CDKN2B-AS1: variants seen among roughly 807,000 people sequenced by gnomAD.
CDKN2B-AS1 encodes the protein CDKN2B antisense RNA 1 (non-protein coding).
intron 3 of CDKN2B-AS1, among the ~76,000 whole-genome samples, chr9:22,053,277 A>T (rs900798895): frequency 5.3e-5 from 8 of 152,190 alleles, no homozygotes; most frequent in Non-Finnish European, 1.2e-4. Flanking sequence ...GTCTAGAAAG[A>T]CCTGGGCTTT....
At chr9:22,010,796 C>A (rs918253535) in intron 1 of CDKN2B-AS1, among the ~76,000 whole-genome samples, 7 of 152,126 alleles carry the variant, frequency 4.6e-5, no homozygotes, top group African/African-American at 1.7e-4. Context: ...CTTGTTTTGA[C>A]CTTTGAGTTT....
chr9:22,000,906 A>T lies in CDKN2B-AS1; in HGVS notation n.29+5745A>T, dbSNP rs1820890878. Among the ~76,000 whole-genome samples the T allele has an allele frequency of 6.6e-6, 1 of 152,072 alleles. No individual in the cohort carries two copies. Among genetic ancestry groups the T allele is most frequent in the East Asian group, 1.9e-4 (1 of 5,202 alleles). On this transcript the variant is annotated intron_variant and non_coding_transcript_variant, in intron 1 of 4. Transcript: ENST00000650946. The surrounding 1 kb of genome is among the most constrained non-coding windows in gnomAD (Gnocchi z 4.1). ...ATTGAGAGCTACCTAAATACCAGAC[A>T]CTCATTCTTGGTCCTGACTCCTACT...
chr9:22,061,944 T>A (rs1823839832), intron 4 of CDKN2B-AS1: 1 of 152,224 alleles, frequency 6.6e-6, no homozygotes, highest in Non-Finnish European at 1.5e-5. Flanking sequence ...TTTATCCTCA[T>A]ATTATCAGAT....
chr9:22,108,940 CAA>C (rs1318268820), intron 4 of CDKN2B-AS1, among the ~76,000 whole-genome samples: 2 of 151,736 alleles, frequency 1.3e-5, no homozygotes, highest in African/African-American at 2.4e-5. Flanking sequence ...CAAAACAAAA[CAA>C]AATAAAAAAA....
intron 1 of CDKN2B-AS1, among the ~76,000 whole-genome samples, chr9:22,040,420 T>A (rs1352017542): frequency 2.0e-5 from 3 of 151,986 alleles, no homozygotes; most frequent in Non-Finnish European, 4.4e-5. Flanking sequence ...TCTACTCAAT[T>A]CTAGTTCAAT....
intron 3 of CDKN2B-AS1, among the ~76,000 whole-genome samples, chr9:22,050,571 C>T (rs752274244): frequency 4.6e-5 from 7 of 152,178 alleles, no homozygotes; most frequent in African/African-American, 1.2e-4. Context: ...CACTTTCAAA[C>T]GGTGGGGATG....
chr9:22,014,183 G>T (rs1294048590), intron 1 of CDKN2B-AS1, among the ~76,000 whole-genome samples: 1 of 151,906 alleles, frequency 6.6e-6, no homozygotes, highest in African/African-American at 2.4e-5. Flanking sequence ...TATTATTTGA[G>T]ACAGAGTCTT....
chr9:22,094,909 T>G (rs1203219229), intron 4 of CDKN2B-AS1, among the ~76,000 whole-genome samples: 1 of 144,334 alleles, frequency 6.9e-6, no homozygotes, highest in Non-Finnish European at 1.5e-5. Context: ...GAGTTTCCAG[T>G]TTTTCTGCTC....
intron 4 of CDKN2B-AS1, among the ~76,000 whole-genome samples, chr9:22,100,688 G>A (rs1825453229): frequency 6.6e-6 from 1 of 152,152 alleles, no homozygotes; most frequent in South Asian, 2.1e-4. Flanking sequence ...CTAGAAGTAG[G>A]ATGTTGTATG....
Position 22,029,315 on chromosome 9 carries a change from G to T in CDKN2B-AS1, n.30-17436G>T. Reference sequence around the variant, plus strand: ...CTATTACCGTCTTTATCAAATAGGAGAGCCTGATCATGTGTGGTCTGAAGT... The same window carrying T: ...CTATTACCGTCTTTATCAAATAGGATAGCCTGATCATGTGTGGTCTGAAGT... On this transcript the variant is annotated intron_variant and non_coding_transcript_variant, in intron 1 of 4. Transcript: ENST00000650946. 3 of 686,348 alleles carry T rather than the reference G, an allele frequency of 4.4e-6. No individual in the cohort carries two copies. The Admixed American group carries it at 6.1e-5, about 14-fold the overall frequency. 42.5% of individuals were successfully genotyped at this position (686,348 alleles called of 1,614,324 possible). A position where few individuals can be genotyped will look rare whatever the true frequency, so the allele number is the denominator to read the frequency against.
At chr9:22,004,165 C>T (rs1170149362) in intron 1 of CDKN2B-AS1, 1 of 232,252 alleles carries the variant, frequency 4.3e-6, no homozygotes, top group Non-Finnish European at 8.5e-6. Context: ...TAAACATATC[C>T]TTTCCCCAAT....
At chr9:22,011,498 A>C (rs1215558357) in intron 1 of CDKN2B-AS1, among the ~76,000 whole-genome samples, 5 of 152,208 alleles carry the variant, frequency 3.3e-5, no homozygotes, top group Admixed American at 6.5e-5. Context: ...TGACTTGTAT[A>C]CTAGCTAATC....
At chr9:22,074,504 A>AAT (rs1200521099) in intron 4 of CDKN2B-AS1, among the ~76,000 whole-genome samples, 2 of 152,120 alleles carry the variant, frequency 1.3e-5, no homozygotes, top group Admixed American at 1.3e-4. Flanking sequence ...CATTTACATA[A>AAT]ATATATATAT....
At chr9:22,021,400 A>C (rs537903356) in intron 1 of CDKN2B-AS1, among the ~76,000 whole-genome samples, 26 of 152,110 alleles carry the variant, frequency 1.7e-4, no homozygotes, top group Admixed American at 1.3e-3. Flanking sequence ...TTGGTTTGGA[A>C]AATTAGGGCA....
intron 4 of CDKN2B-AS1, among the ~76,000 whole-genome samples, chr9:22,085,404 C>G (rs922094611): frequency 8.5e-5 from 13 of 152,110 alleles, no homozygotes; most frequent in Non-Finnish European, 1.6e-4. Context: ...TTGTTCTGGC[C>G]CCACACCAAG....
chr9:22,037,052 C>T (rs1204918990), intron 1 of CDKN2B-AS1, among the ~76,000 whole-genome samples: 1 of 152,036 alleles, frequency 6.6e-6, no homozygotes. Context: ...CTGGTTTCGT[C>T]ACTACGCTGA....
At chr9:22,062,547 G>A (rs1023101784) in intron 4 of CDKN2B-AS1, among the ~76,000 whole-genome samples, 2 of 152,096 alleles carry the variant, frequency 1.3e-5, no homozygotes, top group African/African-American at 4.8e-5. Flanking sequence ...GCCCTTAATG[G>A]GGCTACATGA....
intron 4 of CDKN2B-AS1, among the ~76,000 whole-genome samples, chr9:22,095,224 TG>T (rs1181916218): frequency 6.9e-6 from 1 of 144,756 alleles, no homozygotes; most frequent in African/African-American, 2.9e-5. Context: ...CTGCCCCTAC[TG>T]GGGGGTGCCT....
intron 4 of CDKN2B-AS1, among the ~76,000 whole-genome samples, chr9:22,065,250 C>G (rs993282064): frequency 1.3e-5 from 2 of 152,174 alleles, no homozygotes; most frequent in Non-Finnish European, 2.9e-5. Flanking sequence ...CTAGGCCACC[C>G]ACCAGGTTCC....
Sources: allele counts gnomAD v4.1 joint callset (sites outside exome capture counted in the v4.1 genomes callset), GRCh38; gene constraint gnomAD v4.1.1; non-coding constraint Gnocchi (gnomAD v3.1); transcripts MANE v1.5; gene names NCBI Gene and HGNC (gene_info 2026-07-23, HGNC 2026-07-21).